CXCL13: variants seen among roughly 807,000 people sequenced by gnomAD.
CXCL13 encodes C-X-C motif chemokine 13.
CXCL13 carries 7 observed loss-of-function variants against 12.2 expected under a neutral mutation model. The observed-to-expected ratio is 0.57, with a 90% CI of 0.33 to 1.07. The LOEUF (loss-of-function observed/expected upper bound fraction) is 1.07. CXCL13 is among the 50% of genes least tolerant of loss of function. CXCL13 has a pLI of 0.04. For synonymous variants in CXCL13, 47 were observed against 42.4 expected, an observed-to-expected ratio of 1.11 and a Z score of -0.42; for missense variants, 113 against 127.4, an observed-to-expected ratio of 0.89 and a Z score of 0.55.
chr4:77,526,383 A>T (rs942778292), intron 1 of CXCL13, among the ~76,000 whole-genome samples: 2 of 152,154 alleles, frequency 1.3e-5, no homozygotes, highest in Non-Finnish European at 2.9e-5. Context: ...CATTATATAA[A>T]TAAAACCTTC....
chr4:77,550,581 A>G (rs1458241509), intron 1 of CXCL13, among the ~76,000 whole-genome samples: 1 of 152,196 alleles, frequency 6.6e-6, no homozygotes, highest in Non-Finnish European at 1.5e-5. Flanking sequence ...TGCAGATGAG[A>G]AAAATATATA....
chr4:77,515,434 C>T (rs1724390590), intron 1 of CXCL13, among the ~76,000 whole-genome samples: 1 of 152,178 alleles, frequency 6.6e-6, no homozygotes, highest in African/African-American at 2.4e-5. Flanking sequence ...TCTTCCTACC[C>T]ATGAGCATGG....
intron 1 of CXCL13, among the ~76,000 whole-genome samples, chr4:77,550,536 C>T (rs761511040): frequency 7.2e-5 from 11 of 152,082 alleles, no homozygotes; most frequent in Admixed American, 4.6e-4. Flanking sequence ...TGTTTTGTGG[C>T]CAAGCATGTG....
At chr4:77,535,217 C>G (rs569428200) in intron 1 of CXCL13, among the ~76,000 whole-genome samples, 19 of 152,326 alleles carry the variant, frequency 1.2e-4, no homozygotes, top group African/African-American at 4.3e-4. Context: ...TTTAGGAACT[C>G]TGTTTTGCAT....
At chr4:77,527,442 G>A (rs2110082792) in intron 1 of CXCL13, among the ~76,000 whole-genome samples, 1 of 152,078 alleles carries the variant, frequency 6.6e-6, no homozygotes, top group East Asian at 1.9e-4. Context: ...GACCAGCCTG[G>A]GCAACATGGT....
chr4:77,556,031 C>G, intron 1 of CXCL13, among the ~76,000 whole-genome samples: 1 of 152,182 alleles, frequency 6.6e-6, no homozygotes, highest in South Asian at 2.1e-4. Context: ...GGTACAACCA[C>G]TTTAGAAAAC....
At chr4:77,578,187 AC>A (rs530486643) in intron 1 of CXCL13, among the ~76,000 whole-genome samples, 1 of 151,714 alleles carries the variant, frequency 6.6e-6, no homozygotes, top group Non-Finnish European at 1.5e-5. Context: ...GACTTTATCC[AC>A]CCCCCTTGTT....
At chr4:77,589,768 T>G (rs1391787116) in intron 1 of CXCL13, among the ~76,000 whole-genome samples, 9 of 152,182 alleles carry the variant, frequency 5.9e-5, no homozygotes, top group African/African-American at 2.2e-4. Context: ...TCTGGAGACA[T>G]GGACATTGAC....
chr4:77,528,237 A>C (rs1724815986), intron 1 of CXCL13, among the ~76,000 whole-genome samples: 1 of 152,186 alleles, frequency 6.6e-6, no homozygotes. Flanking sequence ...CGCAATAAAC[A>C]TATGTGTGCA....
intron 1 of CXCL13, 36 bp from the exon 2 acceptor site, chr4:77,607,667 A>G (rs370900195): frequency 1.1e-5 from 17 of 1,570,250 alleles, no homozygotes; most frequent in Middle Eastern, 3.4e-4. Flanking sequence ...TTACATGCCA[A>G]TGGATTAAAA....
chr4:77,520,127 A>T (rs1486732037), intron 1 of CXCL13, among the ~76,000 whole-genome samples: 1 of 152,120 alleles, frequency 6.6e-6, no homozygotes, highest in African/African-American at 2.4e-5. Flanking sequence ...GCCTTGTAGT[A>T]TAGTTTGAGG....
At chr4:77,584,786 C>A (rs568908328) in intron 1 of CXCL13, among the ~76,000 whole-genome samples, 1 of 152,116 alleles carries the variant, frequency 6.6e-6, no homozygotes, top group Non-Finnish European at 1.5e-5. Context: ...GCCCCTCAGG[C>A]GAGTGCTGGG....
rs769758857 is a variant in CXCL13 at position 77,610,628 on chromosome 4, ACAAGT to A, written c.216_220del (p.Lys72AsnfsTer9). ...TTTTCCCCCAGAGTCTGGAAGAAGA[ACAAGT>A]CAATTGTGTGTGTGGACCCTCAAGC... On this transcript the variant is annotated frameshift_variant, in exon 3 of 4. Coordinates refer to ENST00000682537, the MANE Select transcript of CXCL13 (RefSeq NM_001371558.1). LOFTEE classifies it high-confidence loss of function. The A allele has an allele frequency of 3.7e-6, 6 of 1,612,356 alleles. No individual in the cohort carries two copies. Among genetic ancestry groups the A allele is most frequent in the Non-Finnish European group, 8.5e-7 (1 of 1,178,376 alleles).
intron 1 of CXCL13, among the ~76,000 whole-genome samples, chr4:77,597,020 G>A (rs1726784494): frequency 1.3e-5 from 2 of 152,074 alleles, no homozygotes; most frequent in South Asian, 4.1e-4. Flanking sequence ...GAACACGAAT[G>A]AACCTGGAGG....
At chr4:77,553,974 T>A (rs1350069407) in intron 1 of CXCL13, among the ~76,000 whole-genome samples, 2 of 152,168 alleles carry the variant, frequency 1.3e-5, no homozygotes, top group South Asian at 2.1e-4. Flanking sequence ...AATAGGTAAC[T>A]ATGTGAGATG....
chr4:77,515,975 A>G lies in CXCL13; in HGVS notation c.-43+4187A>G, dbSNP rs185966344. 2.0e-3 allele frequency among the ~76,000 whole-genome samples: 310 copies of G among 152,320 alleles called. 2 individuals are homozygous for G. Among genetic ancestry groups the G allele is most frequent in the Admixed American group, 0.019 (297 of 15,294 alleles). ...TAGATAGCTCTTATTGTTTTGAGAT[A>G]TGTCCCTTGAGTACCTAATTTATTG... On this transcript the variant is annotated intron_variant, in intron 1 of 4. Coordinates refer to the CXCL13 transcript ENST00000286758.
intron 1 of CXCL13, among the ~76,000 whole-genome samples, chr4:77,532,148 T>C (rs1724943598): frequency 6.6e-6 from 1 of 152,230 alleles, no homozygotes; most frequent in African/African-American, 2.4e-5. Flanking sequence ...GCCTCAATGG[T>C]CTTTACAATT....
Position 77,512,002 on chromosome 4 carries a change from C to A in CXCL13, c.-43+214C>A, listed in dbSNP as rs566899132. On this transcript the variant is annotated intron_variant, in intron 1 of 4. Coordinates refer to the CXCL13 transcript ENST00000286758. ...TGTTGGAGCACTGTGCCATGGAGCA[C>A]CTTGAAGATCCACTTCCAGGTAATG... 2.0e-5 allele frequency among the ~76,000 whole-genome samples: 3 copies of A among 152,292 alleles called. No homozygotes were observed. The South Asian group carries it at 6.2e-4, about 32-fold the overall frequency.
intron 1 of CXCL13, among the ~76,000 whole-genome samples, chr4:77,552,441 G>A (rs1578050435): frequency 2.0e-5 from 3 of 152,198 alleles, no homozygotes; most frequent in East Asian, 1.9e-4. Context: ...GGCACTTATG[G>A]GTAAGAGCCA....
Sources: gnomAD v4.1 joint callset for allele counts (sites outside exome capture counted in the v4.1 genomes callset) on GRCh38, gnomAD v4.1.1 for gene constraint, MANE v1.5 for transcripts, NCBI Gene and HGNC (gene_info 2026-07-23, HGNC 2026-07-21) for gene names.